The following EYS variants were observed in gnomAD, a reference collection of about 807,000 sequenced individuals.
EYS encodes protein eyes shut homolog.
A neutral mutation model predicts 282.1 loss-of-function variants in EYS; 250 were observed. The observed-to-expected ratio is 0.89, with a 90% confidence interval of 0.80 to 0.98. The LOEUF is 0.98. Among genes scored for constraint, EYS ranks in the 50% least tolerant of loss-of-function variants. The pLI, the probability that EYS is intolerant of heterozygous loss-of-function variation, is 0.00. For missense variants in EYS, 4,016 were observed against 3,709.0 expected (o/e 1.08, Z -2.15); for synonymous variants, 1,355 against 1,282.9 (o/e 1.06, Z -1.20).
At chr6:63,926,550 G>A (rs1764721093) in intron 35 of EYS, among the ~76,000 whole-genome samples, 2 of 152,164 alleles carry the variant, frequency 1.3e-5, no homozygotes, top group South Asian at 2.1e-4. Flanking sequence ...ATTAAAGACC[G>A]AAGGTGAAGG....
chr6:65,277,620 T>C (rs1768086030), intron 12 of EYS, among the ~76,000 whole-genome samples: 1 of 152,128 alleles, frequency 6.6e-6, no homozygotes, highest in African/African-American at 2.4e-5. Flanking sequence ...ATTTCTGCTT[T>C]ATAAGCCACC....
intron 12 of EYS, among the ~76,000 whole-genome samples, chr6:65,251,737 G>A (rs991982267): frequency 2.6e-5 from 4 of 151,922 alleles, no homozygotes; most frequent in African/African-American, 7.3e-5. Flanking sequence ...TGAACGCAAC[G>A]CTTCAGAACT....
At chr6:64,896,634 A>G (rs912343986) in intron 18 of EYS, among the ~76,000 whole-genome samples, 6 of 151,442 alleles carry the variant, frequency 4.0e-5, no homozygotes. Context: ...GTCTGAAGCC[A>G]GGGAGCCAAG....
At chr6:64,987,769 G>A (rs1196646919) in intron 14 of EYS, among the ~76,000 whole-genome samples, 3 of 151,374 alleles carry the variant, frequency 2.0e-5, no homozygotes, top group Admixed American at 1.3e-4. Context: ...ACACACCTCA[G>A]AACAAAGTGG....
At chr6:63,774,460 T>C (rs1343712727) in intron 40 of EYS, among the ~76,000 whole-genome samples, 1 of 152,158 alleles carries the variant, frequency 6.6e-6, no homozygotes, top group Non-Finnish European at 1.5e-5. Flanking sequence ...TGAGCCACGA[T>C]GACAGGGCTA....
chr6:64,045,268 G>C (rs1270476928), intron 33 of EYS, among the ~76,000 whole-genome samples: 2 of 151,682 alleles, frequency 1.3e-5, no homozygotes, highest in African/African-American at 4.8e-5. Context: ...ACTTTAAAAA[G>C]GTGAGTGTAA....
Position 65,554,519 on chromosome 6 carries a change from T to C in EYS, c.-332-58526A>G, listed in dbSNP as rs1407075792. Among the ~76,000 whole-genome samples, 7 of 152,288 alleles carry C rather than the reference T, an allele frequency of 4.6e-5. No individual in the cohort carries two copies. In the East Asian group the frequency reaches 1.4e-3, roughly 29 times the overall value. ...AGATGCTTTTCCTATATGTTCACTC[T>C]ATTACAGTTTCCATAACTTTGTCAT... is the stretch of plus-strand genomic sequence containing the variant. On this transcript the variant is annotated intron_variant, in intron 2 of 42. Transcript: ENST00000503581.
chr6:64,083,927 G>A (rs576646575), intron 31 of EYS, among the ~76,000 whole-genome samples: 231 of 152,058 alleles, frequency 1.5e-3, no homozygotes, highest in African/African-American at 5.2e-3. Context: ...TAGTAGAGAC[G>A]GGGTTTCACT....
intron 31 of EYS, among the ~76,000 whole-genome samples, chr6:64,085,333 T>TAC (rs1772114554): frequency 2.3e-5 from 3 of 130,152 alleles, no homozygotes; most frequent in African/African-American, 3.4e-5. Flanking sequence ...CGTGCGCACG[T>TAC]GCGCGCGCAC....
intron 35 of EYS, among the ~76,000 whole-genome samples, chr6:63,913,555 G>T (rs115961316): frequency 0.011 from 1,678 of 152,198 alleles, 34 homozygotes; most frequent in African/African-American, 0.038. Flanking sequence ...CTATAGATTT[G>T]TCTAATTTGA....
chr6:65,320,308 T>C (rs1180232126), intron 11 of EYS, among the ~76,000 whole-genome samples: 2 of 152,000 alleles, frequency 1.3e-5, no homozygotes, highest in African/African-American at 4.8e-5. Context: ...GATAAGGGCA[T>C]GGTGACCAGG....
At chr6:64,982,471 T>C (rs542291096) in intron 14 of EYS, among the ~76,000 whole-genome samples, 1 of 151,314 alleles carries the variant, frequency 6.6e-6, no homozygotes, top group Non-Finnish European at 1.5e-5. Context: ...TAGTAGGATC[T>C]GTCATGCACA....
chr6:63,902,471 T>C (rs1223558366), intron 35 of EYS, among the ~76,000 whole-genome samples: 3 of 152,176 alleles, frequency 2.0e-5, no homozygotes, highest in Non-Finnish European at 4.4e-5. Flanking sequence ...CTATATTTTT[T>C]CTCATTTCAT....
At chr6:65,130,269 T>G (rs2150202014) in intron 12 of EYS, among the ~76,000 whole-genome samples, 1 of 151,970 alleles carries the variant, frequency 6.6e-6, no homozygotes, top group Admixed American at 6.6e-5. Flanking sequence ...TGCAATATAC[T>G]TATGTAATAA....
At chr6:64,043,265 T>C (rs929201052) in intron 33 of EYS, among the ~76,000 whole-genome samples, 19 of 152,218 alleles carry the variant, frequency 1.2e-4, no homozygotes, top group Non-Finnish European at 2.9e-5. Flanking sequence ...AGGAGTATAA[T>C]TGGTACAGCC....
chr6:65,095,132 T>C (rs1382280100), intron 12 of EYS, among the ~76,000 whole-genome samples: 2 of 151,084 alleles, frequency 1.3e-5, no homozygotes, highest in Non-Finnish European at 3.0e-5. Flanking sequence ...CTAAGACTTA[T>C]CGTGAAAAAA....
chr6:64,312,338 T>C (rs1456991544), intron 29 of EYS, among the ~76,000 whole-genome samples: 1 of 152,086 alleles, frequency 6.6e-6, no homozygotes, highest in Non-Finnish European at 1.5e-5. Context: ...AGATTCCTCC[T>C]CTCTGGGCAG....
In EYS at chr6:64,410,945, GTAATCTTTATTT is replaced by G. The variant is rs531642092; in HGVS notation, c.5928-22117_5928-22106del. ...GATACTCAAAATTTTTAGTTGGGTA[GTAATCTTTATTT>G]TAATCTTGGTTTTAACTACCAGCAT... On this transcript the variant is annotated intron_variant, in intron 28 of 42. Transcript: ENST00000503581. 1.3e-3 allele frequency among the ~76,000 whole-genome samples: 197 copies of G among 152,210 alleles called. 1 individual carries two copies. Among genetic ancestry groups the G allele is most frequent in the African/African-American group, 4.2e-3 (176 of 41,538 alleles).
At chr6:64,768,970 G>A (rs1038548461) in intron 22 of EYS, among the ~76,000 whole-genome samples, 1 of 152,076 alleles carries the variant, frequency 6.6e-6, no homozygotes, top group African/African-American at 2.4e-5. Context: ...TATGAATGGA[G>A]CTAGATCCTG....
Sources: allele counts gnomAD v4.1 joint callset (sites outside exome capture counted in the v4.1 genomes callset), GRCh38; gene constraint gnomAD v4.1.1; transcripts MANE v1.5; gene names NCBI Gene and HGNC (gene_info 2026-07-23, HGNC 2026-07-21).